Variants in NBPF3 observed in about 807,000 individuals in gnomAD.
NBPF3 encodes NBPF family member NBPF3.
A neutral mutation model predicts 78.1 loss-of-function variants in NBPF3; 57 were observed. That is an observed-to-expected ratio of 0.73 (90% CI 0.59 to 0.91). The LOEUF (loss-of-function observed/expected upper bound fraction) is 0.91. Among genes scored for constraint, NBPF3 ranks in the 40% least tolerant of loss-of-function variants. The pLI is 0.00. For synonymous variants in NBPF3, 182 were observed against 271.7 expected, an observed-to-expected ratio of 0.67 and a Z score of 3.25; for missense variants, 510 against 715.3, an observed-to-expected ratio of 0.71 and a Z score of 3.27.
chr1:21,467,120 C>T (rs1412691673), intron 2 of NBPF3: 1 of 984,874 alleles, frequency 1.0e-6, no homozygotes, highest in Admixed American at 6.1e-5. Context: ...TCAGGTCTCC[C>T]AGATGCCAGA....
chr1:21,444,574 T>C (rs558934233), intron 1 of NBPF3, among the ~76,000 whole-genome samples: 3 of 152,250 alleles, frequency 2.0e-5, no homozygotes, highest in East Asian at 1.9e-4. Context: ...CTATTTTTTT[T>C]CCCGCCGGGC....
intron 2 of NBPF3, among the ~76,000 whole-genome samples, chr1:21,448,203 C>T (rs541746343): frequency 6.6e-6 from 1 of 152,238 alleles, no homozygotes; most frequent in South Asian, 2.1e-4. Context: ...AAGAAGCCAT[C>T]ATCCAACCCA....
In NBPF3 at chr1:21,472,838, T is replaced by TA. The variant is rs1348192589; in HGVS notation, c.662-4dup. ...ATATCTGAATGAACACTTCTGTATTTACAGAAAATGATGACGATGAGGATG... is the reference window on the plus strand; with the variant it reads ...ATATCTGAATGAACACTTCTGTATTTAACAGAAAATGATGACGATGAGGATG... On this transcript the variant is annotated splice_polypyrimidine_tract_variant and splice_region_variant and intron_variant, in intron 5 of 14. Coordinates refer to ENST00000318249, the MANE Select transcript of NBPF3 (RefSeq NM_032264.6). The TA allele has an allele frequency of 6.2e-6, 10 of 1,607,046 alleles. No homozygotes were observed. The highest frequency in any genetic ancestry group is 7.7e-6 in the Non-Finnish European group (9 of 1,173,586).
chr1:21,457,162 G>C (rs1422914462), intron 2 of NBPF3, among the ~76,000 whole-genome samples: 1 of 108,536 alleles, frequency 9.2e-6, no homozygotes, highest in Non-Finnish European at 2.1e-5. Context: ...GGGTCTGGTG[G>C]CTCACGTGTG....
Position 21,470,746 on chromosome 1 carries a change from C to G in NBPF3, c.446+12C>G, listed in dbSNP as rs1285714220. Reference sequence around the variant, plus strand: ...GCTGAGGAGCTCAGGTGAGTGGGCCCCCTGGGGTCAGGCAGGTGGGCAGGT... The same window carrying G: ...GCTGAGGAGCTCAGGTGAGTGGGCCGCCTGGGGTCAGGCAGGTGGGCAGGT... On this transcript the variant is annotated intron_variant, in intron 4 of 14. Coordinates refer to ENST00000318249, the MANE Select transcript of NBPF3 (RefSeq NM_032264.6). 6.3e-7 allele frequency: 1 copy of G among 1,582,634 alleles called. No individual in the cohort carries two copies. Among genetic ancestry groups the G allele is most frequent in the Non-Finnish European group, 8.6e-7 (1 of 1,157,078 alleles).
chr1:21,437,597 C>A (rs1640450655), upstream of NBPF3: 1 of 614,160 alleles, frequency 1.6e-6, no homozygotes, highest in South Asian at 2.2e-5. Flanking sequence ...TAACACCAGT[C>A]GAGCCTTATG....
In NBPF3 at chr1:21,468,810, G is replaced by A. The variant is rs6691547; in HGVS notation, c.256G>A (p.Glu86Lys). The A allele has an allele frequency of 5.1e-3, 8,223 of 1,614,176 alleles. 317 individuals carry two copies. In the African/African-American group the frequency reaches 0.089, roughly 17 times the overall value. Residue 86 changes from glutamate to lysine, a missense_variant, in exon 3 of 15, where the codon GAG becomes AAG. Around this residue, in one of 5 missense-constraint regions of NBPF3, gnomAD observed 440 missense variants for 478.2 expected, o/e 0.92. Transcript: ENST00000318249. ...INKKSRPQLA[E>K]NKQQFRNLKQ... ...CAAGAAATCGCGCCCCCAGCTGGCAGAGAACAAACAGCAGTTCAGAAACCT... is the reference window on the plus strand; with the variant it reads ...CAAGAAATCGCGCCCCCAGCTGGCAAAGAACAAACAGCAGTTCAGAAACCT...
At chr1:21,463,024 A>G (rs1642038062) in intron 2 of NBPF3, among the ~76,000 whole-genome samples, 1 of 152,254 alleles carries the variant, frequency 6.6e-6, no homozygotes, top group African/African-American at 2.4e-5. Context: ...TAACATAAAT[A>G]TTCTTCCCTT....
upstream of NBPF3, chr1:21,440,089 C>A (rs1436676747): frequency 6.6e-6 from 1 of 152,020 alleles, no homozygotes; most frequent in Non-Finnish European, 1.5e-5. Flanking sequence ...GCGGCCCATC[C>A]GGACCCTGAG....
At chr1:21,463,205 T>A (rs1642048893) in intron 2 of NBPF3, among the ~76,000 whole-genome samples, 1 of 152,160 alleles carries the variant, frequency 6.6e-6, no homozygotes, top group African/African-American at 2.4e-5. Flanking sequence ...GGAAGTTTGC[T>A]CCAGCCTTAG....
At chr1:21,453,766 T>C (rs1324648467) in intron 2 of NBPF3, 1 of 152,172 alleles carries the variant, frequency 6.6e-6, no homozygotes, top group African/African-American at 2.4e-5. Context: ...GGAGTCACCA[T>C]AGTGGGAATT....
At chr1:21,461,254 A>G (rs111743986) in intron 2 of NBPF3, among the ~76,000 whole-genome samples, 8,906 of 34,128 alleles carry the variant, frequency 0.26, 320 homozygotes, top group Middle Eastern at 0.32. Flanking sequence ...AGAAATAATT[A>G]TATGAGAATA....
chr1:21,454,891 G>C (rs1641510447), intron 2 of NBPF3, among the ~76,000 whole-genome samples: 1 of 152,206 alleles, frequency 6.6e-6, no homozygotes, highest in Non-Finnish European at 1.5e-5. Flanking sequence ...TGGATTCGCT[G>C]GGTCTTCTTC....
intron 2 of NBPF3, chr1:21,467,011 CCT>C (rs964442549): frequency 1.4e-4 from 139 of 984,682 alleles, no homozygotes; most frequent in South Asian, 1.9e-4. Flanking sequence ...AAAACTCACC[CCT>C]GTGTGACCTC....
At position 21,478,265 on chromosome 1, in the gene NBPF3, T is replaced by G. The variant is rs1211199945; in HGVS notation, c.1114T>G (p.Ser372Ala). ...CCAGTCTGACAGGAGCACCTTTCAC[T>G]CAGTAGAGGAACAGCAAGTCGGCTT... ...SYQSDRSTFHSVEEQQVGLAL... is the reference protein window; with the variant it reads ...SYQSDRSTFHAVEEQQVGLAL... Residue 372 changes from serine (S) to alanine (A), a missense_variant, in exon 9 of 15, where the codon TCA (serine) becomes GCA (alanine). By Grantham distance (99) the Ser-to-Ala change is moderately conservative. Transcript: ENST00000318249. The G allele has an allele frequency of 2.5e-6, 4 of 1,614,010 alleles. No homozygotes were observed. The African/African-American group carries it at 4.0e-5, about 16-fold the overall frequency.
At chr1:21,478,518 G>T (rs564381993) in intron 9 of NBPF3, among the ~76,000 whole-genome samples, 1 of 152,334 alleles carries the variant, frequency 6.6e-6, no homozygotes, top group Non-Finnish European at 1.5e-5. Context: ...CTAGTCTCAG[G>T]CCATGCCTGT....
chr1:21,450,294 A>ACT (rs1641235638), intron 2 of NBPF3, among the ~76,000 whole-genome samples: 1 of 152,198 alleles, frequency 6.6e-6, no homozygotes, highest in Non-Finnish European at 1.5e-5. Context: ...TCCAGAGGCA[A>ACT]CCTGCTTTCC....
At chr1:21,437,869 G>C (rs935391130), upstream of NBPF3, among the ~76,000 whole-genome samples, 1 of 151,168 alleles carries the variant, frequency 6.6e-6, no homozygotes, top group African/African-American at 2.4e-5. Flanking sequence ...CTGTGGCCCA[G>C]GCTGGAGTGC....
At chr1:21,477,425 G>A (rs935221137) in intron 8 of NBPF3, among the ~76,000 whole-genome samples, 4 of 152,130 alleles carry the variant, frequency 2.6e-5, no homozygotes, top group Admixed American at 2.6e-4. Context: ...TCTACCTTTG[G>A]TCTTTGATGC....
Sources: gnomAD v4.1 joint callset for allele counts (sites outside exome capture counted in the v4.1 genomes callset) on GRCh38, gnomAD v4.1.1 for gene constraint, gnomAD v4.1.1 regional missense constraint, MANE v1.5 for transcripts, NCBI Gene and HGNC (gene_info 2026-07-23, HGNC 2026-07-21) for gene names.